PDE1A: variants seen among roughly 807,000 people sequenced by gnomAD.
PDE1A encodes phosphodiesterase 1A, also known as dual specificity calcium/calmodulin-dependent 3',5'-cyclic nucleotide phosphodiesterase 1A.
A neutral mutation model predicts 61.7 loss-of-function variants in PDE1A; 35 were observed. That is an observed-to-expected ratio of 0.57 (90% CI 0.43 to 0.75). PDE1A has a LOEUF of 0.75. PDE1A is among the 30% of genes least tolerant of loss of function. The pLI is 0.00. For missense variants in PDE1A, 597 were observed against 630.6 expected (o/e 0.95, Z 0.57); for synonymous variants, 232 against 213.2 (o/e 1.09, Z -0.77).
chr2:182,266,091 TACTC>T (rs1289857086), intron 1 of PDE1A, among the ~76,000 whole-genome samples: 5 of 152,220 alleles, frequency 3.3e-5, no homozygotes, highest in African/African-American at 1.2e-4. Flanking sequence ...GAAAACGTCT[TACTC>T]AGGAAGCTGT....
intron 1 of PDE1A, among the ~76,000 whole-genome samples, chr2:182,389,241 T>A (rs990419229): frequency 1.3e-5 from 2 of 152,134 alleles, no homozygotes; most frequent in African/African-American, 4.8e-5. Flanking sequence ...TATACAGATA[T>A]TTTTAAGATT....
chr2:182,206,197 A>G, intron 7 of PDE1A, 132 bp from the exon 8 acceptor site: 2 of 554,752 alleles, frequency 3.6e-6, no homozygotes, highest in South Asian at 5.6e-5. Flanking sequence ...TTATGGAAGT[A>G]CTTAGTTTCT....
intron 1 of PDE1A, among the ~76,000 whole-genome samples, chr2:182,362,484 G>A (rs973806380): frequency 5.9e-5 from 9 of 152,150 alleles, no homozygotes; most frequent in African/African-American, 2.2e-4. Flanking sequence ...GGCCTGCACA[G>A]GGCTGAGAGG....
At chr2:182,684,848 AATT>A in the PDE1A span, among the ~76,000 whole-genome samples, 5 of 152,168 alleles carry the variant, frequency 3.3e-5, no homozygotes, top group Non-Finnish European at 5.9e-5. Context: ...TAAATGTTAA[AATT>A]ATTAATTTCT....
At chr2:182,192,308 A>C (rs1321849654) in intron 10 of PDE1A, among the ~76,000 whole-genome samples, 1 of 152,170 alleles carries the variant, frequency 6.6e-6, no homozygotes, top group Non-Finnish European at 1.5e-5. Context: ...CAATTAATTT[A>C]GAATATTAAA....
At chr2:182,389,149 C>G (rs1257333241) in intron 1 of PDE1A, among the ~76,000 whole-genome samples, 1 of 152,060 alleles carries the variant, frequency 6.6e-6, no homozygotes, top group East Asian at 1.9e-4. Flanking sequence ...TAAGTCCATC[C>G]CTAAAGAACT....
At chr2:182,672,113 T>C in the PDE1A span, among the ~76,000 whole-genome samples, 1 of 152,236 alleles carries the variant, frequency 6.6e-6, no homozygotes, top group African/African-American at 2.4e-5. Context: ...TTTTCTTGGA[T>C]CCCTAGTTTT....
At chr2:182,528,909 G>C in the PDE1A span, among the ~76,000 whole-genome samples, 1 of 152,242 alleles carries the variant, frequency 6.6e-6, no homozygotes, top group Non-Finnish European at 1.5e-5. Flanking sequence ...CCTTCACCTA[G>C]ATTTCAGAGG....
At chr2:182,670,070 C>T in the PDE1A span, among the ~76,000 whole-genome samples, 4 of 152,218 alleles carry the variant, frequency 2.6e-5, no homozygotes, top group Non-Finnish European at 1.5e-5. Context: ...GGCCAGCTCA[C>T]TGCCACAGGG....
chr2:182,330,040 A>G (rs1697302076), intron 1 of PDE1A, among the ~76,000 whole-genome samples: 1 of 151,928 alleles, frequency 6.6e-6, no homozygotes, highest in African/African-American at 2.4e-5. Context: ...ATGAACCTCA[A>G]ATTACCATCT....
intron 1 of PDE1A, among the ~76,000 whole-genome samples, chr2:182,317,309 C>G (rs1696399339): frequency 1.3e-5 from 2 of 150,852 alleles, no homozygotes; most frequent in Non-Finnish European, 2.9e-5. Flanking sequence ...ATTCATTGAG[C>G]TAGGACATTC....
chr2:182,524,470 A>G (rs1690734568), upstream of PDE1A, among the ~76,000 whole-genome samples: 3 of 152,138 alleles, frequency 2.0e-5, no homozygotes, highest in Non-Finnish European at 4.4e-5. Context: ...TTTCAATACT[A>G]CAATTCATTT....
At chr2:182,302,517 G>A (rs1695313463) in intron 1 of PDE1A, among the ~76,000 whole-genome samples, 1 of 152,300 alleles carries the variant, frequency 6.6e-6, no homozygotes, top group African/African-American at 2.4e-5. Flanking sequence ...ACAATCTTCT[G>A]AGCCTTTCAG....
chr2:182,621,052 GAA>G, the PDE1A span, among the ~76,000 whole-genome samples: 1 of 152,134 alleles, frequency 6.6e-6, no homozygotes, highest in African/African-American at 2.4e-5. Flanking sequence ...TAGTGACACA[GAA>G]ATTATCTCTG....
At chr2:182,532,077 A>T in the PDE1A span, among the ~76,000 whole-genome samples, 1 of 151,712 alleles carries the variant, frequency 6.6e-6, no homozygotes, top group African/African-American at 2.4e-5. Context: ...ACTGATGTGT[A>T]CTACAACATG....
the PDE1A span, among the ~76,000 whole-genome samples, chr2:182,676,122 A>AG: frequency 6.6e-6 from 1 of 151,870 alleles, no homozygotes; most frequent in African/African-American, 2.4e-5. Flanking sequence ...ACCAAAAAAA[A>AG]CCATTCAAAA....
chr2:182,244,970 A>C (rs1690840854), intron 2 of PDE1A, among the ~76,000 whole-genome samples: 1 of 152,234 alleles, frequency 6.6e-6, no homozygotes, highest in South Asian at 2.1e-4. Flanking sequence ...GCCCAGTTAC[A>C]ACAATGGCCT....
intron 2 of PDE1A, among the ~76,000 whole-genome samples, chr2:182,448,551 A>C (rs1230569172): frequency 6.6e-6 from 1 of 152,112 alleles, no homozygotes; most frequent in Non-Finnish European, 1.5e-5. Context: ...TCAGATATTT[A>C]GAACTGAAAG....
At chr2:182,393,037 C>G (rs1366212962) in intron 1 of PDE1A, among the ~76,000 whole-genome samples, 1 of 152,240 alleles carries the variant, frequency 6.6e-6, no homozygotes, top group Non-Finnish European at 1.5e-5. Context: ...CTAGGCAGTG[C>G]CCCAGTAGGA....
Sources: allele counts gnomAD v4.1 joint callset (sites outside exome capture counted in the v4.1 genomes callset), GRCh38; gene constraint gnomAD v4.1.1; transcripts MANE v1.5; gene names NCBI Gene and HGNC (gene_info 2026-07-23, HGNC 2026-07-21).